Variants in DOCK6 observed in about 807,000 individuals in gnomAD.
DOCK6 encodes the protein dedicator of cytokinesis protein 6.
In DOCK6, 167 loss-of-function variants were observed where a neutral mutation model predicts 230.3. The ratio of observed to expected loss-of-function variants is 0.73; its 90% CI spans 0.64 to 0.82. The LOEUF is 0.82. Ranked by LOEUF, DOCK6 falls within the 40% of genes least tolerant of loss-of-function variation. The pLI, the probability that DOCK6 is intolerant of heterozygous loss-of-function variation, is 0.00. For missense variants in DOCK6, 2,598 were observed against 2,825.8 expected (o/e 0.92, Z 1.83); for synonymous variants, 1,148 against 1,185.0 (o/e 0.97, Z 0.64).
intron 1 of DOCK6, among the ~76,000 whole-genome samples, chr19:11,259,435 G>GGAGA (rs61042742): frequency 1.1e-4 from 17 of 148,248 alleles, no homozygotes; most frequent in South Asian, 2.2e-4. Flanking sequence ...CAAGGATGGG[G>GGAGA]GAGAGAGAGA....
chr19:11,204,002 C>T, intron 41 of DOCK6, 79 bp downstream of exon 41: 1 of 1,533,762 alleles, frequency 6.5e-7, no homozygotes, highest in Non-Finnish European at 8.8e-7. Context: ...TCTGGTGCCC[C>T]CTGGTGTTCA....
intron 41 of DOCK6, 118 bp downstream of exon 41, chr19:11,203,963 C>T: frequency 1.4e-6 from 2 of 1,388,038 alleles, no homozygotes; most frequent in Non-Finnish European, 2.0e-6. Context: ...GGCCACAGCC[C>T]CAGCCCCAAG....
intron 41 of DOCK6, among the ~76,000 whole-genome samples, chr19:11,203,036 TCTC>T (rs1453204188): frequency 6.6e-6 from 1 of 152,080 alleles, no homozygotes; most frequent in Admixed American, 6.5e-5. Flanking sequence ...TCTAGGGCAT[TCTC>T]CTTCCTGTGC....
chr19:11,235,789 G>C, intron 20 of DOCK6, 30 bp from the exon 21 acceptor site: 1 of 1,562,238 alleles, frequency 6.4e-7, no homozygotes. Context: ...TCAAGTTCCA[G>C]GGCCCAAGGC....
intron 23 of DOCK6, among the ~76,000 whole-genome samples, chr19:11,228,046 C>T (rs1166944559): frequency 6.7e-6 from 1 of 148,808 alleles, no homozygotes; most frequent in South Asian, 2.1e-4. Flanking sequence ...GGAGTCTTGC[C>T]GTCACCCAGG....
chr19:11,233,645 C>A (rs914792765), intron 21 of DOCK6, among the ~76,000 whole-genome samples: 3 of 152,046 alleles, frequency 2.0e-5, no homozygotes, highest in African/African-American at 7.3e-5. Flanking sequence ...CCCAGCCCAG[C>A]CAACATAGCG....
chr19:11,204,906 A>G (rs1379801930), intron 39 of DOCK6, among the ~76,000 whole-genome samples: 2 of 152,090 alleles, frequency 1.3e-5, no homozygotes, highest in African/African-American at 2.4e-5. Flanking sequence ...CACTTCACCC[A>G]TCTGTCTTCC....
At chr19:11,253,614 G>C (rs1224384722) in intron 2 of DOCK6, 25 bp downstream of exon 2, 10 of 1,361,958 alleles carry the variant, frequency 7.3e-6, no homozygotes, top group Non-Finnish European at 9.5e-6. Flanking sequence ...GCAGAGGGCT[G>C]GGGGCGGACC....
At chr19:11,225,868 TAAAA>T (rs745740690) in intron 24 of DOCK6, among the ~76,000 whole-genome samples, 19 of 71,012 alleles carry the variant, frequency 2.7e-4, no homozygotes, top group East Asian at 7.4e-4. Context: ...CTGACTCTAC[TAAAA>T]AAAAAAAAAA....
chr19:11,213,320 C>G lies in DOCK6; in HGVS notation c.4347G>C (p.Glu1449Asp). The change falls in exon 35 of 48, where the codon GAG becomes GAC. Residue 1449 changes from glutamate to aspartate, a missense_variant. Coordinates refer to ENST00000294618, the MANE Select transcript of DOCK6 (RefSeq NM_020812.4). ...TQRALVSKFP[E>D]LLFEEDTELC... ...GCTCCGTGTCCTCCTCGAACAGCAG[C>G]TCCGGGAACTGCCCCCAAGGACCCA... 1 of 1,611,102 alleles carries G rather than the reference C, an allele frequency of 6.2e-7. No individual in the cohort carries two copies. The highest frequency in any genetic ancestry group is 1.1e-5 in the South Asian group (1 of 90,852).
At chr19:11,209,134 G>A in intron 37 of DOCK6, 31 bp from the exon 38 acceptor site, 3 of 1,595,526 alleles carry the variant, frequency 1.9e-6, no homozygotes, top group Non-Finnish European at 2.6e-6. Context: ...GATGTGAGGA[G>A]GGGACTCACC....
At position 11,236,431 on chromosome 19, in the gene DOCK6, G is replaced by C; in HGVS notation, c.2307C>G (p.Pro769=). 1 of 1,589,886 alleles carries C rather than the reference G, an allele frequency of 6.3e-7. No individual in the cohort carries two copies. The highest frequency in any genetic ancestry group is 8.6e-7 in the Non-Finnish European group (1 of 1,168,856). Residue 769 remains proline, a synonymous_variant, in exon 20 of 48, where the codon CCC becomes CCG. Transcript: ENST00000294618. This position sits in a 1 kb window ranked among gnomAD's most constrained non-coding sequence, Gnocchi z 5.2. ...ASLAALRLAS[P]EPLVAFSHHV... ...GGTGGGAGAAGGCCACAAGGGGTTCGGGGCTGGCCAGGCGCAGTGCTGCAA... is the reference window on the plus strand; with the variant it reads ...GGTGGGAGAAGGCCACAAGGGGTTCCGGGCTGGCCAGGCGCAGTGCTGCAA...
chr19:11,200,998 C>G lies in DOCK6; in HGVS notation c.5743G>C (p.Glu1915Gln). ...TCCTGCTCGGTGGCAAAGGCCAGCT[C>G]CCGTGTCTTCTTCTGCATGTCCTCG... ...AIEDMQKKTR[E>Q]LAFATEQDPP... The change falls in exon 45 of 48, where the codon GAG becomes CAG. Residue 1915 changes from glutamate (E) to glutamine (Q), a missense_variant. Physicochemically the swap from Glu to Gln is conservative, Grantham distance 29 (BLOSUM62 2). Transcript: ENST00000294618. The surrounding 1 kb of genome is among the most constrained non-coding windows in gnomAD (Gnocchi z 4.3). 6.2e-7 allele frequency: 1 copy of G among 1,613,972 alleles called. No individual in the cohort carries two copies. Among genetic ancestry groups the G allele is most frequent in the Non-Finnish European group, 8.5e-7 (1 of 1,179,876 alleles).
In DOCK6 at chr19:11,251,307, C is replaced by T. The variant is rs2080114632; in HGVS notation, c.508-221G>A. On this transcript the variant is annotated intron_variant, in intron 5 of 47. Transcript: ENST00000294618. ...TTACCATTGCTGGGGGAGGCTACTC[C>T]TTATCCCACATTTGGGGCTTTAGGT... The T allele has an allele frequency of 1.1e-5, 6 of 556,000 alleles. No homozygotes were observed. The East Asian group carries it at 1.7e-4, about 16-fold the overall frequency. The allele number at this position is 556,000 out of a possible 1,614,324, so 34.4% of individuals were successfully genotyped here.
At chr19:11,216,078 AC>A (rs1331098305) in intron 30 of DOCK6, 151 bp from the exon 31 acceptor site, 2 of 975,268 alleles carry the variant, frequency 2.1e-6, no homozygotes, top group Non-Finnish European at 2.9e-6. Flanking sequence ...CTTAGCACTT[AC>A]CAAAAAAAAA....
chr19:11,201,141 A>T lies in DOCK6; in HGVS notation c.5689-89T>A. 3 of 1,494,910 alleles carry T rather than the reference A, an allele frequency of 2.0e-6. No individual in the cohort carries two copies. Among genetic ancestry groups the T allele is most frequent in the Non-Finnish European group, 2.7e-6 (3 of 1,101,970 alleles). 92.6% of individuals were successfully genotyped at this position (1,494,910 alleles called of 1,614,324 possible). On this transcript the variant is annotated intron_variant, in intron 44 of 47. Coordinates refer to ENST00000294618, the MANE Select transcript of DOCK6 (RefSeq NM_020812.4). This position sits in a 1 kb window ranked among gnomAD's most constrained non-coding sequence, Gnocchi z 4.3. Reference sequence around the variant, plus strand: ...CGGGGGCAGCTCAGACCCCGCTGGGAGTGAGAGGGGTCCAAGAACCCAGGC... The same window carrying T: ...CGGGGGCAGCTCAGACCCCGCTGGGTGTGAGAGGGGTCCAAGAACCCAGGC...
Position 11,237,548 on chromosome 19 carries a change from G to A in DOCK6, c.1981C>T (p.Leu661=), listed in dbSNP as rs1256788118. The A allele has an allele frequency of 1.2e-6, 2 of 1,612,746 alleles. No individual in the cohort carries two copies. The highest frequency in any genetic ancestry group is 1.1e-5 in the South Asian group (1 of 91,012). ...GTCCTCAGGCGCCCGTGCTGCAGCA[G>A]TGGGATCCACTGGGGAGAGGCTGGA... is the stretch of plus-strand genomic sequence containing the variant. ...ETPVGFTWIP[L]LQHGRLRTGP... Residue 661 remains leucine (L), a synonymous_variant, in exon 18 of 48, where the codon CTG becomes TTG. Coordinates refer to ENST00000294618, the MANE Select transcript of DOCK6 (RefSeq NM_020812.4).
In DOCK6 at chr19:11,213,203, G is replaced by A; in HGVS notation, c.4464C>T (p.Leu1488=). ...GGCCGATCTCGAAGTTCTGTCGCATGAGCAGGTACAGCGAGGCGCTGGCGT... is the reference window on the plus strand; with the variant it reads ...GGCCGATCTCGAAGTTCTGTCGCATAAGCAGGTACAGCGAGGCGCTGGCGT... ...RTHASASLYL[L]MRQNFEIGHN... is the part of the protein sequence containing the mutation. Residue 1488 remains leucine, a synonymous_variant, in exon 35 of 48, where the codon CTC becomes CTT. Transcript: ENST00000294618. The A allele has an allele frequency of 1.9e-6, 3 of 1,613,016 alleles. No homozygotes were observed. The highest frequency in any genetic ancestry group is 2.5e-6 in the Non-Finnish European group (3 of 1,179,706).
At chr19:11,215,553 G>A in intron 31 of DOCK6, 82 bp from the exon 32 acceptor site, 1 of 1,434,136 alleles carries the variant, frequency 7.0e-7, no homozygotes, top group Non-Finnish European at 9.6e-7. Flanking sequence ...CAGGCATGAA[G>A]ATATTCAGGT....
Sources: gnomAD v4.1 joint callset for allele counts (sites outside exome capture counted in the v4.1 genomes callset) on GRCh38, gnomAD v4.1.1 for gene constraint, Gnocchi (gnomAD v3.1) non-coding constraint, MANE v1.5 for transcripts, NCBI Gene and HGNC (gene_info 2026-07-23, HGNC 2026-07-21) for gene names.